The following CMTM7 variants were observed in gnomAD, a reference collection of about 807,000 sequenced individuals.
CMTM7 encodes the protein CKLF-like MARVEL transmembrane domain-containing protein 7.
CMTM7 carries 7 observed loss-of-function variants against 19.3 expected under a neutral mutation model. The observed-to-expected ratio is 0.36, with a 90% CI of 0.21 to 0.68. The LOEUF is 0.68. Among genes scored for constraint, CMTM7 ranks in the 30% least tolerant of loss-of-function variants. CMTM7 has a pLI of 0.60. For synonymous variants in CMTM7, 87 were observed against 99.3 expected, an observed-to-expected ratio of 0.88 and a Z score of 0.74; for missense variants, 193 against 232.6, an observed-to-expected ratio of 0.83 and a Z score of 1.11.
At chr3:32,398,760 G>A (rs1695955697) in intron 1 of CMTM7, among the ~76,000 whole-genome samples, 2 of 151,966 alleles carry the variant, frequency 1.3e-5, no homozygotes, top group East Asian at 3.9e-4. Flanking sequence ...GAGGCGGGCG[G>A]ATGGCTTGAG....
chr3:32,421,040 G>A (rs990505801), intron 1 of CMTM7, among the ~76,000 whole-genome samples: 2 of 151,610 alleles, frequency 1.3e-5, no homozygotes, highest in Non-Finnish European at 2.9e-5. Flanking sequence ...AGGCTCCCTG[G>A]GACATTCCTG....
intron 1 of CMTM7, among the ~76,000 whole-genome samples, chr3:32,416,231 T>C (rs1355324722): frequency 6.6e-6 from 1 of 152,164 alleles, no homozygotes; most frequent in East Asian, 1.9e-4. Context: ...AGAGTCTTGC[T>C]CTTGTAAACC....
chr3:32,401,618 G>A (rs981574500), intron 1 of CMTM7, among the ~76,000 whole-genome samples: 1 of 152,262 alleles, frequency 6.6e-6, no homozygotes, highest in Non-Finnish European at 1.5e-5. Context: ...CCTGTGCAGC[G>A]CCACTGGACA....
In CMTM7 at chr3:32,441,904, G is replaced by A; in HGVS notation, c.224G>A (p.Ser75Asn). ...SSLWTNYSAY[S>N]YFEVVTICDL... ...CTGTGGACCAACTACAGCGCCTACA[G>A]CTACTTTGAAGTGGTCACCATTTGC... is the stretch of plus-strand genomic sequence containing the variant. Residue 75 changes from serine to asparagine, a missense_variant, in exon 2 of 5, where the codon AGC (serine) becomes AAC (asparagine). Physicochemically the swap from Ser to Asn is conservative, Grantham distance 46 (BLOSUM62 1). Coordinates refer to ENST00000334983, the MANE Select transcript of CMTM7 (RefSeq NM_138410.4). 1.2e-6 allele frequency: 2 copies of A among 1,614,208 alleles called. No homozygotes were observed. Among genetic ancestry groups the A allele is most frequent in the South Asian group, 2.2e-5 (2 of 91,090 alleles).
At chr3:32,440,900 C>T (rs757487401) in intron 1 of CMTM7, among the ~76,000 whole-genome samples, 12 of 152,226 alleles carry the variant, frequency 7.9e-5, no homozygotes, top group African/African-American at 1.2e-4. Flanking sequence ...TTGGCCTTCA[C>T]GGAAGCTCAG....
chr3:32,414,859 C>A (rs995693029), intron 1 of CMTM7, among the ~76,000 whole-genome samples: 6 of 152,120 alleles, frequency 3.9e-5, no homozygotes, highest in Non-Finnish European at 8.8e-5. Flanking sequence ...TACTATTTGT[C>A]ACCTCCACTT....
chr3:32,420,234 C>T (rs1696324175), intron 1 of CMTM7, among the ~76,000 whole-genome samples: 1 of 152,184 alleles, frequency 6.6e-6, no homozygotes, highest in Non-Finnish European at 1.5e-5. Flanking sequence ...TCCCTGTTTC[C>T]TCCAGATGCA....
intron 1 of CMTM7, among the ~76,000 whole-genome samples, chr3:32,406,543 C>T (rs529993362): frequency 6.6e-5 from 10 of 152,332 alleles, no homozygotes; most frequent in South Asian, 6.2e-4. Context: ...CAGAGTTCCA[C>T]TGCTCTCATA....
chr3:32,430,195 AC>A (rs578261679), intron 1 of CMTM7, among the ~76,000 whole-genome samples: 8 of 151,154 alleles, frequency 5.3e-5, no homozygotes, highest in South Asian at 2.1e-4. Flanking sequence ...CTTCTGTCAC[AC>A]CCCCCCCAAA....
chr3:32,395,325 AT>A (rs139737905), intron 1 of CMTM7, among the ~76,000 whole-genome samples: 9,874 of 150,626 alleles, frequency 0.066, 364 homozygotes, highest in East Asian at 0.14. Flanking sequence ...TTTAATAGCT[AT>A]TTTTTTTTAG....
At chr3:32,433,717 A>T (rs1461869520) in intron 1 of CMTM7, among the ~76,000 whole-genome samples, 1 of 152,132 alleles carries the variant, frequency 6.6e-6, no homozygotes, top group Admixed American at 6.5e-5. Flanking sequence ...AGTGTCATGG[A>T]GCTGTCACAG....
intron 3 of CMTM7, chr3:32,451,775 G>A (rs771050597): frequency 3.1e-5 from 8 of 259,732 alleles, no homozygotes; most frequent in Non-Finnish European, 6.0e-5. Context: ...ATCTACAAGT[G>A]AGGGGGCTGG....
intron 1 of CMTM7, among the ~76,000 whole-genome samples, chr3:32,404,513 T>C (rs577436863): frequency 1.7e-3 from 265 of 152,348 alleles, no homozygotes; most frequent in African/African-American, 6.2e-3. Flanking sequence ...CTCCTTTTGC[T>C]TGAACAGAAG....
chr3:32,404,639 A>C (rs1406485110), intron 1 of CMTM7, among the ~76,000 whole-genome samples: 1 of 152,222 alleles, frequency 6.6e-6, no homozygotes, highest in Non-Finnish European at 1.5e-5. Context: ...GTGGTGTGCT[A>C]TCTCTCCATG....
chr3:32,426,059 C>A (rs1010580623), intron 1 of CMTM7, among the ~76,000 whole-genome samples: 2 of 152,152 alleles, frequency 1.3e-5, no homozygotes, highest in Non-Finnish European at 2.9e-5. Context: ...GCAGGAGAAT[C>A]GCTTGAACCT....
intron 1 of CMTM7, among the ~76,000 whole-genome samples, chr3:32,435,771 CTA>C (rs1413376692): frequency 6.6e-6 from 1 of 152,116 alleles, no homozygotes; most frequent in African/African-American, 2.4e-5. Flanking sequence ...CTGGGGAATA[CTA>C]TATAGCCAAT....
At position 32,454,380 on chromosome 3, in the gene CMTM7, T is replaced by C. The variant is rs1193476696; in HGVS notation, c.*126T>C. ...AGGCTGGTGGGCACCAGGAAAGGCC[T>C]GCACCCTCTTCCTGCTCTCCCAGGA... On this transcript the variant is annotated 3_prime_UTR_variant, in exon 5 of 5. Transcript: ENST00000334983. 4.3e-6 allele frequency: 5 copies of C among 1,152,058 alleles called. No homozygotes were observed. In the Admixed American group the frequency reaches 5.8e-5, roughly 13 times the overall value. 71.4% of individuals were successfully genotyped at this position (1,152,058 alleles called of 1,614,324 possible). A position where few individuals can be genotyped will look rare whatever the true frequency, so the allele number is the denominator to read the frequency against.
At chr3:32,397,456 C>T (rs150909247) in intron 1 of CMTM7, among the ~76,000 whole-genome samples, 9,978 of 152,110 alleles carry the variant, frequency 0.066, 1,052 homozygotes, top group African/African-American at 0.22. Flanking sequence ...TAACTCGGGC[C>T]GGGTGTGGTG....
chr3:32,438,580 C>T (rs1366847096), intron 1 of CMTM7, among the ~76,000 whole-genome samples: 1 of 151,852 alleles, frequency 6.6e-6, no homozygotes, highest in Non-Finnish European at 1.5e-5. Context: ...TTTAGGAGCA[C>T]GCATAAGCAC....
Sources: gnomAD v4.1 joint callset for allele counts (sites outside exome capture counted in the v4.1 genomes callset) on GRCh38, gnomAD v4.1.1 for gene constraint, MANE v1.5 for transcripts, NCBI Gene and HGNC (gene_info 2026-07-23, HGNC 2026-07-21) for gene names.